The following ITGA8 variants were observed in gnomAD, a reference collection of about 807,000 sequenced individuals.
ITGA8 encodes the protein integrin alpha-8.
In ITGA8, 91 loss-of-function variants were observed where a neutral mutation model predicts 142.3. The ratio of observed to expected loss-of-function variants is 0.64; its 90% confidence interval spans 0.54 to 0.76. The LOEUF (loss-of-function observed/expected upper bound fraction) is 0.76. ITGA8 is among the 30% of genes least tolerant of loss of function. ITGA8 has a pLI of 0.00. For synonymous variants in ITGA8, 505 were observed against 485.2 expected (o/e 1.04, Z -0.54); for missense variants, 1,406 against 1,327.7 (o/e 1.06, Z -0.92).
chr10:15,576,834 G>C (rs1222528255), intron 23 of ITGA8, among the ~76,000 whole-genome samples: 2 of 152,204 alleles, frequency 1.3e-5, no homozygotes, highest in Non-Finnish European at 2.9e-5. Context: ...CAGAAATGTT[G>C]CTAAATTGCA....
At chr10:15,633,151 C>G (rs534207224) in intron 13 of ITGA8, among the ~76,000 whole-genome samples, 1 of 152,184 alleles carries the variant, frequency 6.6e-6, no homozygotes, top group Non-Finnish European at 1.5e-5. Context: ...CTATTCAAGG[C>G]TCTTTGTTAA....
intron 28 of ITGA8, among the ~76,000 whole-genome samples, chr10:15,524,651 C>T (rs144675354): frequency 8.8e-4 from 134 of 152,304 alleles, no homozygotes; most frequent in Middle Eastern, 3.4e-3. Flanking sequence ...TGAAACTCCA[C>T]GCTCTGTATA....
chr10:15,525,511 A>T (rs1379389276), intron 28 of ITGA8, among the ~76,000 whole-genome samples: 1 of 151,760 alleles, frequency 6.6e-6, no homozygotes, highest in Non-Finnish European at 1.5e-5. Context: ...GCGTGGTGGC[A>T]CACACCTGTA....
intron 26 of ITGA8, 147 bp downstream of exon 26, chr10:15,557,927 T>C (rs954504041): frequency 4.8e-6 from 5 of 1,033,212 alleles, no homozygotes; most frequent in African/African-American, 3.2e-5. Flanking sequence ...TTGCTTTTCA[T>C]TCTCGAGATA....
chr10:15,646,920 G>A lies in ITGA8; in HGVS notation c.1133C>T (p.Thr378Ile). The change falls in exon 12 of 30, where the codon ACT becomes ATT. Residue 378 changes from threonine to isoleucine, a missense_variant. By Grantham distance (89) the Thr-to-Ile change is moderately conservative. Coordinates refer to ENST00000378076, the MANE Select transcript of ITGA8 (RefSeq NM_003638.3). Reference sequence around the variant, plus strand: ...GAATCTCCCAAACGTCTCGGTGCCAGTGAGGATCTGGGGGTCTCTGAAGAG... The same window carrying A: ...GAATCTCCCAAACGTCTCGGTGCCAATGAGGATCTGGGGGTCTCTGAAGAG... ...SLLFRDPQIL[T>I]GTETFGRFGS... 2 of 1,614,116 alleles carry A rather than the reference G, an allele frequency of 1.2e-6. No homozygotes were observed. Among genetic ancestry groups the A allele is most frequent in the Non-Finnish European group, 1.7e-6 (2 of 1,180,024 alleles).
chr10:15,560,637 TA>T (rs1833958309), intron 25 of ITGA8, among the ~76,000 whole-genome samples: 1 of 152,216 alleles, frequency 6.6e-6, no homozygotes, highest in South Asian at 2.1e-4. Flanking sequence ...GGACAGGTTT[TA>T]AAAATGATGG....
Position 15,575,601 on chromosome 10 carries a change from C to G in ITGA8, c.2373-7G>C, listed in dbSNP as rs1399530225. 6.2e-7 allele frequency: 1 copy of G among 1,605,932 alleles called. No individual in the cohort carries two copies. On this transcript the variant is annotated splice_region_variant and splice_polypyrimidine_tract_variant and intron_variant, in intron 23 of 29. Coordinates refer to ENST00000378076, the MANE Select transcript of ITGA8 (RefSeq NM_003638.3). ...CTGCGGAGGGTGTGACACTCTGAAA[C>G]ATGAAATGTCCTGTTAATTGTTAGC...
rs71374639 is a variant in ITGA8, at chr10:15,694,678, CAT to C, written c.344-6642_344-6641del. On this transcript the variant is annotated intron_variant, in intron 2 of 29. Transcript: ENST00000378076. ...TATATATTATATCTATATTTGTCGA[CAT>C]ATATATATATATATATATATATGTC... 6.9e-3 allele frequency among the ~76,000 whole-genome samples: 538 copies of C among 77,510 alleles called. 14 individuals are homozygous for C. In the East Asian group the frequency reaches 0.083, roughly 12 times the overall value. The allele number at this position is 77,510 out of a possible 152,430, so 50.8% of individuals were successfully genotyped here. A position where few individuals can be genotyped will look rare whatever the true frequency, so the allele number is the denominator to read the frequency against.
intron 2 of ITGA8, among the ~76,000 whole-genome samples, chr10:15,711,665 T>A (rs1226259394): frequency 6.6e-6 from 1 of 151,582 alleles, no homozygotes; most frequent in Non-Finnish European, 1.5e-5. Flanking sequence ...CCCCAAAAGA[T>A]TCCCTGCTAT....
chr10:15,606,122 A>G (rs1833190977), intron 18 of ITGA8, among the ~76,000 whole-genome samples, 163 bp downstream of exon 18: 1 of 152,180 alleles, frequency 6.6e-6, no homozygotes, highest in Non-Finnish European at 1.5e-5. Context: ...GAAAAACACA[A>G]TCATGCAGTG....
At chr10:15,562,519 A>T (rs1029589886) in intron 25 of ITGA8, among the ~76,000 whole-genome samples, 2 of 152,126 alleles carry the variant, frequency 1.3e-5, no homozygotes, top group South Asian at 4.1e-4. Context: ...GAAAGAAGGT[A>T]TGGCCAGAGG....
At chr10:15,692,010 C>A (rs1281618376) in intron 2 of ITGA8, among the ~76,000 whole-genome samples, 1 of 152,124 alleles carries the variant, frequency 6.6e-6, no homozygotes, top group East Asian at 1.9e-4. Context: ...GATCACAGTT[C>A]ACTGCAGCCT....
chr10:15,646,981 C>G lies in ITGA8; in HGVS notation c.1072G>C (p.Gly358Arg). 1 of 1,613,984 alleles carries G rather than the reference C, an allele frequency of 6.2e-7. No homozygotes were observed. Among genetic ancestry groups the G allele is most frequent in the Non-Finnish European group, 8.5e-7 (1 of 1,179,954 alleles). Reference protein sequence around the residue: ...REFESNPREVGQIYLYLQVSS... With the variant: ...REFESNPREVRQIYLYLQVSS... ...ACTTGCAAATACAGGTAGATTTGCCCTACTTCTCTGGGGTTGCTCTCAAAT... is the reference window on the plus strand; with the variant it reads ...ACTTGCAAATACAGGTAGATTTGCCGTACTTCTCTGGGGTTGCTCTCAAAT... The change falls in exon 12 of 30, where the codon GGG becomes CGG. Residue 358 changes from glycine (G) to arginine (R), a missense_variant. By Grantham distance (125) the Gly-to-Arg change is moderately radical. Coordinates refer to ENST00000378076, the MANE Select transcript of ITGA8 (RefSeq NM_003638.3).
chr10:15,639,976 T>C (rs531568337), intron 13 of ITGA8, among the ~76,000 whole-genome samples: 27 of 152,188 alleles, frequency 1.8e-4, no homozygotes, highest in Admixed American at 1.6e-3. Context: ...CCTTATCAAC[T>C]CCATTGGGGA....
chr10:15,581,251 C>T lies in ITGA8; in HGVS notation c.2372+5333G>A, dbSNP rs181704569. Among the ~76,000 whole-genome samples, 30 of 152,254 alleles carry T rather than the reference C, an allele frequency of 2.0e-4. 1 individual carries two copies. Among genetic ancestry groups the T allele is most frequent in the African/African-American group, 7.0e-4 (29 of 41,552 alleles). On this transcript the variant is annotated intron_variant, in intron 23 of 29. Transcript: ENST00000378076. ...GATCAATCATGCCTATGTCATAGAA[C>T]CCCAGTAAAAACTCTGACCACTGAG...
chr10:15,711,860 T>C (rs984738145), intron 2 of ITGA8, among the ~76,000 whole-genome samples: 2 of 152,218 alleles, frequency 1.3e-5, no homozygotes, highest in Non-Finnish European at 2.9e-5. Context: ...TTCAGGCCAA[T>C]ACACTAAACA....
chr10:15,566,639 C>T lies in ITGA8; in HGVS notation c.2637+5572G>A, dbSNP rs1682058846. On this transcript the variant is annotated intron_variant, in intron 25 of 29. Coordinates refer to ENST00000378076, the MANE Select transcript of ITGA8 (RefSeq NM_003638.3). ...CAGCCTTGGCAACATGGTGAAACCG[C>T]ATCTCTACAAATAAATACAAAAATC... Among the ~76,000 whole-genome samples, 3 of 151,842 alleles carry T rather than the reference C, an allele frequency of 2.0e-5. No individual in the cohort carries two copies. In the South Asian group the frequency reaches 6.3e-4, roughly 32 times the overall value.
intron 13 of ITGA8, among the ~76,000 whole-genome samples, chr10:15,625,463 A>T (rs58963855): frequency 0.41 from 62,190 of 151,644 alleles, 13,110 homozygotes; most frequent in South Asian, 0.62. Context: ...GCAATTGCTG[A>T]AAGCCCTGGA....
chr10:15,569,639 A>G (rs1414612257), intron 25 of ITGA8, among the ~76,000 whole-genome samples: 1 of 152,160 alleles, frequency 6.6e-6, no homozygotes, highest in Non-Finnish European at 1.5e-5. Flanking sequence ...GGCTGACCTC[A>G]AACTCCTGGC....
Sources: allele counts gnomAD v4.1 joint callset (sites outside exome capture counted in the v4.1 genomes callset), GRCh38; gene constraint gnomAD v4.1.1; transcripts MANE v1.5; gene names NCBI Gene and HGNC (gene_info 2026-07-23, HGNC 2026-07-21).